Variants in BDP1 observed in about 807,000 individuals in gnomAD.
BDP1 encodes BDP1 general transcription factor IIIB subunit.
Under a neutral mutation model 266.6 loss-of-function variants are expected in BDP1, and 169 were observed. The ratio of observed to expected loss-of-function variants is 0.63; its 90% CI spans 0.56 to 0.72. The LOEUF (loss-of-function observed/expected upper bound fraction) is 0.72. Ranked by LOEUF, BDP1 falls within the 30% of genes least tolerant of loss-of-function variation. BDP1 has a pLI of 0.00. For synonymous variants in BDP1, 1,090 were observed against 1,022.4 expected (o/e 1.07, Z -1.26); for missense variants, 3,015 against 3,053.8 (o/e 0.99, Z 0.30).
At chr5:71,483,459 G>A (rs1763079754) in intron 7 of BDP1, among the ~76,000 whole-genome samples, 1 of 152,174 alleles carries the variant, frequency 6.6e-6, no homozygotes, top group African/African-American at 2.4e-5. Context: ...TTCTCTCCAT[G>A]CTACTTGAAA....
rs1213621220 is a variant in BDP1, at chr5:71,455,696, C to CGGCGGCGGCGGGAGAGAGGAGGA, written c.-169_-147dup. ...GGTGTGTGGCAGGGTCATGAAAAAG[C>CGGCGGCGGCGGGAGAGAGGAGGA]GGCGGCGGCGGGAGAGAGGAGGAGG... On this transcript the variant is annotated 5_prime_UTR_variant, in exon 1 of 39. An upstream open reading frame in the 5' UTR loses its in-frame stop. Coordinates refer to ENST00000358731, the MANE Select transcript of BDP1 (RefSeq NM_018429.3). 3.8e-5 allele frequency: 23 copies of CGGCGGCGGCGGGAGAGAGGAGGA among 599,816 alleles called. No homozygotes were observed. Among genetic ancestry groups the CGGCGGCGGCGGGAGAGAGGAGGA allele is most frequent in the Non-Finnish European group, 2.4e-5 (8 of 339,306 alleles). 37.2% of individuals were successfully genotyped at this position (599,816 alleles called of 1,614,324 possible).
rs1764783650 is a variant in BDP1 at position 71,509,619 on chromosome 5, A to G, written c.2527A>G (p.Met843Val). 1 of 1,613,896 alleles carries G rather than the reference A, an allele frequency of 6.2e-7. No homozygotes were observed. The highest frequency in any genetic ancestry group is 2.2e-5 in the East Asian group (1 of 44,878). ...AGAGAAGATTCTTGTCTCTGGGGAAATGGCGGCAGCATTGAGAGAAACTGT... is the reference window on the plus strand; with the variant it reads ...AGAGAAGATTCTTGTCTCTGGGGAAGTGGCGGCAGCATTGAGAGAAACTGT... Reference protein sequence around the residue: ...VLEKILVSGEMAAALRETVRL... With the variant: ...VLEKILVSGEVAAALRETVRL... Residue 843 changes from methionine to valine, a missense_variant, in exon 17 of 39, where the codon ATG becomes GTG. Around this residue, in one of 3 missense-constraint regions of BDP1, gnomAD observed 2,383 missense variants for 2,404.9 expected, o/e 0.99. Transcript: ENST00000358731.
At chr5:71,577,679 C>T in the BDP1 span, among the ~76,000 whole-genome samples, 9 of 152,090 alleles carry the variant, frequency 5.9e-5, 1 homozygote, top group South Asian at 1.9e-3. Flanking sequence ...TAAACAAATT[C>T]CAGAGTTTCA....
intron 38 of BDP1, among the ~76,000 whole-genome samples, chr5:71,563,468 G>C (rs1048700843): frequency 6.6e-6 from 1 of 152,090 alleles, no homozygotes; most frequent in African/African-American, 2.4e-5. Context: ...AGGGAAAAAG[G>C]CCCTTTGTGA....
intron 17 of BDP1, 33 bp from the exon 18 acceptor site, chr5:71,512,208 A>G: frequency 8.6e-7 from 1 of 1,162,050 alleles, no homozygotes. Flanking sequence ...ATACTCTTTT[A>G]TTTGTGCTGA....
Position 71,553,202 on chromosome 5 carries a change from A to G in BDP1, c.7082A>G (p.Asn2361Ser). 6.2e-7 allele frequency: 1 copy of G among 1,613,384 alleles called. No homozygotes were observed. Among genetic ancestry groups the G allele is most frequent in the Non-Finnish European group, 8.5e-7 (1 of 1,179,900 alleles). Residue 2361 changes from asparagine (N) to serine (S), a missense_variant, in exon 35 of 39, where the codon AAT becomes AGT. By Grantham distance (46) the Asn-to-Ser change is conservative. Transcript: ENST00000358731. ...GRDNSKKPPDNLDLVSRKRFQ... is the reference protein window; with the variant it reads ...GRDNSKKPPDSLDLVSRKRFQ... ...GATAATTCTAAAAAGCCGCCTGATAATTTGGATCTTGTATCTAGGAAGAGA... is the reference window on the plus strand; with the variant it reads ...GATAATTCTAAAAAGCCGCCTGATAGTTTGGATCTTGTATCTAGGAAGAGA...
chr5:71,481,173 CAA>C (rs1225738128), intron 7 of BDP1, among the ~76,000 whole-genome samples: 1 of 130,658 alleles, frequency 7.7e-6, no homozygotes, highest in East Asian at 2.2e-4. Flanking sequence ...GATTCCGTCT[CAA>C]AAAAAAAAAA....
intron 8 of BDP1, among the ~76,000 whole-genome samples, chr5:71,485,767 G>T (rs927953556): frequency 7.9e-5 from 12 of 152,120 alleles, no homozygotes; most frequent in African/African-American, 2.9e-4. Flanking sequence ...CCACTTTGCT[G>T]ATACTTATAA....
chr5:71,472,873 A>ATT (rs1441029092), intron 7 of BDP1, among the ~76,000 whole-genome samples: 3 of 97,688 alleles, frequency 3.1e-5, no homozygotes, highest in African/African-American at 1.1e-4. Context: ...GATAATTTGT[A>ATT]TTTTCTCTCT....
At chr5:71,546,608 A>C (rs1330642760) in intron 32 of BDP1, among the ~76,000 whole-genome samples, 11 of 122,466 alleles carry the variant, frequency 9.0e-5, no homozygotes, top group African/African-American at 3.5e-4. Flanking sequence ...ACAGAACAAG[A>C]CTCTGTCTCA....
chr5:71,522,941 AC>A lies in BDP1; in HGVS notation c.5380del (p.Leu1794Ter). The A allele has an allele frequency of 6.3e-7, 1 of 1,579,048 alleles. No individual in the cohort carries two copies. The highest frequency in any genetic ancestry group is 1.4e-5 in the African/African-American group (1 of 73,212). On this transcript the variant is annotated frameshift_variant, in exon 24 of 39. Coordinates refer to ENST00000358731, the MANE Select transcript of BDP1 (RefSeq NM_018429.3). LOFTEE classifies it high-confidence loss of function. ...TTGTTGAAGAGCAATATCTCAATAA[AC>A]TAACAAGGTAACATTTTATTTAACA... ...SVVEEQYLNK[L>X]TSCPQPLNET... is the part of the protein sequence containing the mutation.
intron 24 of BDP1, 34 bp downstream of exon 24, chr5:71,522,983 A>G: frequency 6.6e-7 from 1 of 1,524,014 alleles, no homozygotes; most frequent in Non-Finnish European, 8.8e-7. Context: ...TTTCACAATA[A>G]GAAATAAAAA....
rs373650680 is a variant in BDP1 at position 71,502,582 on chromosome 5, T to G, written c.2049-17T>G. 33 of 1,567,162 alleles carry G rather than the reference T, an allele frequency of 2.1e-5. No homozygotes were observed. Among genetic ancestry groups the G allele is most frequent in the Middle Eastern group, 1.7e-4 (1 of 5,842 alleles). Reference sequence around the variant, plus strand: ...GACTTCAAAATAAACATTAATTTTATTTCTTTGTGGTTCTAGTTTGGGTGA... The same window carrying G: ...GACTTCAAAATAAACATTAATTTTAGTTCTTTGTGGTTCTAGTTTGGGTGA... On this transcript the variant is annotated splice_polypyrimidine_tract_variant and intron_variant, in intron 14 of 38. Coordinates refer to ENST00000358731, the MANE Select transcript of BDP1 (RefSeq NM_018429.3).
chr5:71,510,361 AT>A lies in BDP1; in HGVS notation c.3272del (p.Leu1091TrpfsTer15). On this transcript the variant is annotated frameshift_variant, in exon 17 of 39. Transcript: ENST00000358731. LOFTEE classifies it high-confidence loss of function. ...VIDAIEEIEIDLEETEREISP... is the reference protein window; with the variant it reads ...VIDAIEEIEIXLEETEREISP... ...GATGCCATTGAGGAAATAGAGATAG[AT>A]TTGGAAGAAACTGAAAGAGAAATAT... 6.2e-7 allele frequency: 1 copy of A among 1,614,008 alleles called. No individual in the cohort carries two copies. The highest frequency in any genetic ancestry group is 8.5e-7 in the Non-Finnish European group (1 of 1,179,992).
chr5:71,490,784 T>C lies in BDP1; in HGVS notation c.1493-200T>C, dbSNP rs554849383. Among the ~76,000 whole-genome samples, 15 of 152,340 alleles carry C rather than the reference T, an allele frequency of 9.8e-5. No individual in the cohort carries two copies. In the South Asian group the frequency reaches 2.3e-3, roughly 23 times the overall value. The stretch of plus-strand genomic sequence containing the variant: ...AAGATAAAAGGAAGATGCTACAAAT[T>C]GCCCAAGAAGCTTGAGCTGATCCTC... On this transcript the variant is annotated intron_variant, in intron 10 of 38. Transcript: ENST00000358731.
chr5:71,477,280 C>A lies in BDP1; in HGVS notation c.1015-6562C>A, dbSNP rs368930442. Among the ~76,000 whole-genome samples, 42 of 152,206 alleles carry A rather than the reference C, an allele frequency of 2.8e-4. No individual in the cohort carries two copies. In the East Asian group the frequency reaches 7.7e-3, roughly 28 times the overall value. ...TCAAGCAATCCTCCTGCCTCAGCCT[C>A]CTGGACCACAGGTGTGCGCTACTGT... On this transcript the variant is annotated intron_variant, in intron 7 of 38. Transcript: ENST00000358731.
In BDP1 at chr5:71,537,340, A is replaced by G. The variant is rs929128714; in HGVS notation, c.5893-1702A>G. On this transcript the variant is annotated intron_variant, in intron 26 of 38. Transcript: ENST00000358731. The stretch of plus-strand genomic sequence containing the variant: ...TCGCACACTGTTTTCTGGTTGTACC[A>G]AAAAATAAACAACTGGAAAATGATT... Among the ~76,000 whole-genome samples the G allele has an allele frequency of 3.9e-5, 6 of 152,236 alleles. No individual in the cohort carries two copies. The East Asian group carries it at 1.2e-3, about 29-fold the overall frequency.
chr5:71,573,015 G>A, the BDP1 span, among the ~76,000 whole-genome samples: 20 of 152,210 alleles, frequency 1.3e-4, no homozygotes, highest in African/African-American at 4.8e-4. Flanking sequence ...GATCATTTGA[G>A]GTTAGGAGTT....
At chr5:71,511,691 A>G (rs1157548575) in intron 17 of BDP1, among the ~76,000 whole-genome samples, 4 of 151,366 alleles carry the variant, frequency 2.6e-5, no homozygotes, top group Admixed American at 6.5e-5. Flanking sequence ...AGTCACTGTT[A>G]TTATTATTAT....
Sources: gnomAD v4.1 joint callset for allele counts (sites outside exome capture counted in the v4.1 genomes callset) on GRCh38, gnomAD v4.1.1 for gene constraint, gnomAD v4.1.1 regional missense constraint, MANE v1.5 for transcripts, NCBI Gene and HGNC (gene_info 2026-07-23, HGNC 2026-07-21) for gene names.